The following TFDP2 variants were observed in gnomAD, a reference collection of about 807,000 sequenced individuals.
TFDP2 encodes transcription factor Dp-2 (E2F dimerization partner 2).
TFDP2 carries 17 observed loss-of-function variants against 59.3 expected under a neutral mutation model. The observed-to-expected ratio is 0.29, with a 90% CI of 0.20 to 0.43. The LOEUF is 0.43. Ranked by LOEUF, TFDP2 falls within the 20% of genes least tolerant of loss-of-function variation. The pLI is 1.00. For missense variants in TFDP2, 391 were observed against 528.8 expected, an observed-to-expected ratio of 0.74 and a Z score of 2.56; for synonymous variants, 180 against 194.7, an observed-to-expected ratio of 0.92 and a Z score of 0.63.
intron 1 of TFDP2, among the ~76,000 whole-genome samples, chr3:142,140,293 C>T (rs936596024): frequency 3.3e-5 from 5 of 152,108 alleles, no homozygotes; most frequent in South Asian, 4.1e-4. Context: ...AGCTTCCTTG[C>T]GATGGGTTAG....
chr3:141,993,554 A>T lies in TFDP2; in HGVS notation c.340T>A (p.Ser114Thr). 6.3e-7 allele frequency: 1 copy of T among 1,582,720 alleles called. No homozygotes were observed. The highest frequency in any genetic ancestry group is 1.1e-5 in the South Asian group (1 of 87,236). The change falls in exon 6 of 13, where the codon TCT becomes ACT. Residue 114 changes from serine (S) to threonine (T), a missense_variant. Ser to Thr is a moderately conservative substitution (Grantham distance 58, BLOSUM62 1). Transcript: ENST00000489671. The part of the protein sequence containing the change: ...DRKRARKFID[S>T]DFSESKRSKK... ...TATACTCACCTTTCTGAAAAATCAG[A>T]GTCTATAAATTTTCTAGCCCGTTTT... is the stretch of plus-strand genomic sequence containing the variant.
At chr3:141,984,182 A>G (rs1054733134) in intron 6 of TFDP2, among the ~76,000 whole-genome samples, 4 of 152,240 alleles carry the variant, frequency 2.6e-5, no homozygotes, top group African/African-American at 4.8e-5. Flanking sequence ...CTGTGAAGAC[A>G]TAAGTGACAT....
At chr3:142,109,524 C>T (rs1376466618) in intron 1 of TFDP2, among the ~76,000 whole-genome samples, 2 of 152,106 alleles carry the variant, frequency 1.3e-5, no homozygotes, top group African/African-American at 2.4e-5. Context: ...GATGGTGTTT[C>T]ACCATGTTGG....
chr3:141,964,806 G>A (rs1397115904), intron 9 of TFDP2, among the ~76,000 whole-genome samples: 1 of 152,154 alleles, frequency 6.6e-6, no homozygotes, highest in Non-Finnish European at 1.5e-5. Context: ...AGCAGCCTCT[G>A]GGCACAGTTT....
chr3:142,146,517 A>T (rs892157308), intron 1 of TFDP2, among the ~76,000 whole-genome samples: 3 of 152,236 alleles, frequency 2.0e-5, no homozygotes, highest in Non-Finnish European at 2.9e-5. Context: ...GATAAACTGC[A>T]GAGCTAGGAT....
chr3:141,983,587 C>T (rs970211947), intron 6 of TFDP2, among the ~76,000 whole-genome samples: 3 of 150,596 alleles, frequency 2.0e-5, no homozygotes, highest in Non-Finnish European at 4.4e-5. Flanking sequence ...GCAGTTCACG[C>T]CATCACACGC....
At chr3:142,131,469 A>T (rs1240586677) in intron 1 of TFDP2, among the ~76,000 whole-genome samples, 4 of 150,138 alleles carry the variant, frequency 2.7e-5, no homozygotes, top group African/African-American at 1.0e-4. Flanking sequence ...ACATAGGCAG[A>T]AATCTGCTCC....
At chr3:141,993,763 T>A (rs10084673) in intron 5 of TFDP2, among the ~76,000 whole-genome samples, 178 bp from the exon 6 acceptor site, 11,998 of 152,248 alleles carry the variant, frequency 0.079, 618 homozygotes, top group African/African-American at 0.15. Flanking sequence ...GAACAAGGTA[T>A]CACAACTTAA....
In TFDP2 at chr3:142,121,710, G is replaced by C. The variant is rs1379935721; in HGVS notation, c.-92-19869C>G. On this transcript the variant is annotated intron_variant, in intron 1 of 12. Coordinates refer to ENST00000489671, the MANE Select transcript of TFDP2 (RefSeq NM_001178139.2). The surrounding 1 kb of genome is among the most constrained non-coding windows in gnomAD (Gnocchi z 4.3). ...TCTTTCAAGGAGTAGCATATGATTA[G>C]GATATGAAGTTTAAAAAAGGCTCAC... is the stretch of plus-strand genomic sequence containing the variant. 6.6e-6 allele frequency among the ~76,000 whole-genome samples: 1 copy of C among 151,970 alleles called. No homozygotes were observed. The highest frequency in any genetic ancestry group is 1.5e-5 in the Non-Finnish European group (1 of 67,994).
At chr3:142,090,560 TC>T (rs1440174428) in intron 3 of TFDP2, among the ~76,000 whole-genome samples, 1 of 149,926 alleles carries the variant, frequency 6.7e-6, no homozygotes, top group South Asian at 2.1e-4. Flanking sequence ...TTTCTTTCTT[TC>T]CTTTTTTTTT....
intron 3 of TFDP2, among the ~76,000 whole-genome samples, chr3:142,046,226 T>C (rs1279886937): frequency 6.6e-6 from 1 of 152,204 alleles, no homozygotes; most frequent in East Asian, 1.9e-4. Context: ...TGAAACAGAA[T>C]ATAGTTCTCC....
intron 3 of TFDP2, among the ~76,000 whole-genome samples, chr3:142,074,720 C>T (rs960414386): frequency 6.6e-5 from 10 of 152,002 alleles, no homozygotes; most frequent in African/African-American, 2.4e-4. Flanking sequence ...GGCATGGTGG[C>T]GGGTGCCTGC....
At chr3:141,993,456 C>T in intron 6 of TFDP2, 82 bp downstream of exon 6, 1 of 816,280 alleles carries the variant, frequency 1.2e-6, no homozygotes, top group Non-Finnish European at 1.9e-6. Flanking sequence ...AAAAACATCG[C>T]ATTAAACCAG....
At chr3:141,956,112 T>C (rs144174733) in intron 11 of TFDP2, among the ~76,000 whole-genome samples, 343 of 152,312 alleles carry the variant, frequency 2.3e-3, no homozygotes, top group Middle Eastern at 3.4e-3. Flanking sequence ...CCAACCTATA[T>C]AGTCAAATTG....
chr3:142,001,786 G>A (rs1383538283), intron 4 of TFDP2, among the ~76,000 whole-genome samples: 2 of 152,016 alleles, frequency 1.3e-5, no homozygotes, highest in Non-Finnish European at 2.9e-5. Context: ...CCAATTTCAC[G>A]GCTCCTAAGT....
chr3:141,979,423 C>T (rs571146879), intron 6 of TFDP2, among the ~76,000 whole-genome samples: 1 of 152,260 alleles, frequency 6.6e-6, no homozygotes, highest in East Asian at 1.9e-4. Flanking sequence ...TGTAAAAAGC[C>T]TCAGGCAATC....
chr3:142,057,297 A>C (rs2059779530), intron 3 of TFDP2, among the ~76,000 whole-genome samples: 1 of 152,266 alleles, frequency 6.6e-6, no homozygotes, highest in Non-Finnish European at 1.5e-5. Flanking sequence ...AATTTAAAAA[A>C]ATACTTAAGT....
At chr3:142,039,645 C>A (rs1322968881) in intron 3 of TFDP2, among the ~76,000 whole-genome samples, 1 of 152,166 alleles carries the variant, frequency 6.6e-6, no homozygotes, top group Non-Finnish European at 1.5e-5. Context: ...TTAAGTACCA[C>A]CCCTGGGGTT....
chr3:142,065,503 T>G lies in TFDP2; in HGVS notation c.82+27558A>C, dbSNP rs535970955. On this transcript the variant is annotated intron_variant, in intron 3 of 12. Coordinates refer to ENST00000489671, the MANE Select transcript of TFDP2 (RefSeq NM_001178139.2). ...GAACCATTCACTCTGTGTGTGTGTG[T>G]GTGTGGGTGTGTGTGTGTGTGTGTT... Among the ~76,000 whole-genome samples the G allele has an allele frequency of 4.1e-5, 6 of 144,692 alleles. No homozygotes were observed. In the South Asian group the frequency reaches 6.5e-4, roughly 16 times the overall value. 94.9% of individuals were successfully genotyped at this position (144,692 alleles called of 152,430 possible).
Sources: allele counts gnomAD v4.1 joint callset (sites outside exome capture counted in the v4.1 genomes callset), GRCh38; gene constraint gnomAD v4.1.1; non-coding constraint Gnocchi (gnomAD v3.1); transcripts MANE v1.5; gene names NCBI Gene and HGNC (gene_info 2026-07-23, HGNC 2026-07-21).